The following RBFOX1 variants were observed in gnomAD, a reference collection of about 807,000 sequenced individuals.
RBFOX1 encodes the protein RNA binding protein fox-1 homolog 1.
In RBFOX1, 8 loss-of-function variants were observed where a neutral mutation model predicts 57.7. That is an observed-to-expected ratio of 0.14 (90% CI 0.08 to 0.25). The LOEUF (loss-of-function observed/expected upper bound fraction) is 0.25. RBFOX1 is among the 10% of genes least tolerant of loss of function. The pLI, the probability that RBFOX1 is intolerant of heterozygous loss-of-function variation, is 1.00. For synonymous variants in RBFOX1, 326 were observed against 222.4 expected, an observed-to-expected ratio of 1.47 and a Z score of -4.15; for missense variants, 611 against 548.5, an observed-to-expected ratio of 1.11 and a Z score of -1.14.
At chr16:7,370,338 G>T (rs9941058) in intron 4 of RBFOX1, among the ~76,000 whole-genome samples, 3,945 of 152,266 alleles carry the variant, frequency 0.026, 184 homozygotes, top group African/African-American at 0.089. Flanking sequence ...TCAGTGATGG[G>T]TAACTAGGGC....
rs368276793 is a variant in RBFOX1 at position 7,660,713 on chromosome 16, T to A, written c.891-4216T>A. On this transcript the variant is annotated intron_variant, in intron 12 of 15. Coordinates refer to ENST00000550418, the MANE Select transcript of RBFOX1 (RefSeq NM_018723.4). The stretch of plus-strand genomic sequence containing the variant: ...ATAGCATCCGCATCATCTGTTAACT[T>A]GTTAGAAATGTAAGCTCTTAGATGC... Among the ~76,000 whole-genome samples, 6 of 152,212 alleles carry A rather than the reference T, an allele frequency of 3.9e-5. No homozygotes were observed. In the East Asian group the frequency reaches 9.6e-4, roughly 24 times the overall value.
chr16:7,705,758 A>T (rs1402264763), intron 14 of RBFOX1, among the ~76,000 whole-genome samples: 1 of 152,336 alleles, frequency 6.6e-6, no homozygotes, highest in South Asian at 2.1e-4. Context: ...AGTTGAAAAA[A>T]TGAGACAAGA....
chr16:6,228,911 A>T (rs779636728), intron 1 of RBFOX1, among the ~76,000 whole-genome samples: 1 of 152,232 alleles, frequency 6.6e-6, no homozygotes, highest in Non-Finnish European at 1.5e-5. Flanking sequence ...ATAAACATAT[A>T]TAATTTTATT....
intron 1 of RBFOX1, among the ~76,000 whole-genome samples, chr16:6,197,591 C>T (rs201782400): frequency 6.6e-6 from 1 of 151,858 alleles, no homozygotes; most frequent in Non-Finnish European, 1.5e-5. Flanking sequence ...ATAATAGGAA[C>T]AGTAGAGGAC....
intron 1 of RBFOX1, among the ~76,000 whole-genome samples, chr16:6,277,666 A>C (rs2075967794): frequency 8.0e-5 from 1 of 12,456 alleles, no homozygotes; most frequent in East Asian, 8.6e-3. Flanking sequence ...ACCTTGTCTC[A>C]AAAAAAAAAA....
intron 4 of RBFOX1, among the ~76,000 whole-genome samples, chr16:7,232,814 C>T (rs555514388): frequency 5.4e-5 from 8 of 147,964 alleles, no homozygotes; most frequent in East Asian, 2.0e-4. Context: ...GGTCATTACA[C>T]TCCAGCCTGG....
chr16:5,805,577 T>C (rs1030479935), intron 3 of RBFOX1, among the ~76,000 whole-genome samples: 5 of 152,274 alleles, frequency 3.3e-5, no homozygotes, highest in Admixed American at 2.0e-4. Context: ...AAAGGAATTG[T>C]TTATCAAAAG....
chr16:6,856,856 A>G (rs868707773), intron 3 of RBFOX1, among the ~76,000 whole-genome samples: 1 of 152,150 alleles, frequency 6.6e-6, no homozygotes, highest in Non-Finnish European at 1.5e-5. Flanking sequence ...TTAATTGTCA[A>G]TTCAGATAAT....
chr16:5,686,711 A>G (rs1234718888), intron 3 of RBFOX1, among the ~76,000 whole-genome samples: 1 of 152,192 alleles, frequency 6.6e-6, no homozygotes, highest in Admixed American at 6.5e-5. Context: ...CCTAACTCTC[A>G]TAGTGGAAAT....
chr16:6,973,558 GT>G (rs1479670772), intron 3 of RBFOX1, among the ~76,000 whole-genome samples: 1 of 152,106 alleles, frequency 6.6e-6, no homozygotes, highest in Non-Finnish European at 1.5e-5. Context: ...TGGAGAGTCT[GT>G]TTATTTCTTT....
chr16:5,283,963 A>T (rs1464876856), intron 1 of RBFOX1, among the ~76,000 whole-genome samples: 1 of 152,040 alleles, frequency 6.6e-6, no homozygotes, highest in African/African-American at 2.4e-5. Flanking sequence ...TCCCCACCCA[A>T]ATCTCATCTT....
At chr16:7,587,387 C>A (rs1045279266) in intron 7 of RBFOX1, 87 bp downstream of exon 7, 3 of 1,285,526 alleles carry the variant, frequency 2.3e-6, no homozygotes, top group African/African-American at 3.0e-5. Context: ...CTGTCTTAAT[C>A]AGCTCATTGT....
At chr16:5,524,669 T>C (rs2044168280) in intron 2 of RBFOX1, among the ~76,000 whole-genome samples, 1 of 151,864 alleles carries the variant, frequency 6.6e-6, no homozygotes, top group Admixed American at 6.6e-5. Flanking sequence ...GCCTTCCAAG[T>C]AGCCGGGATT....
chr16:6,414,917 C>G lies in RBFOX1; in HGVS notation c.-64+97860C>G, dbSNP rs2093578596. Among the ~76,000 whole-genome samples, 3 of 152,140 alleles carry G rather than the reference C, an allele frequency of 2.0e-5. No individual in the cohort carries two copies. In the South Asian group the frequency reaches 6.2e-4, roughly 32 times the overall value. On this transcript the variant is annotated intron_variant, in intron 2 of 15. Transcript: ENST00000550418. ...GCAAGGCATGGGGTAGGATGCAGAG[C>G]AAAGAATGAACCGGTCCCAATATCA... is the stretch of plus-strand genomic sequence containing the variant.
At chr16:6,367,041 C>T (rs1227316387) in intron 2 of RBFOX1, among the ~76,000 whole-genome samples, 1 of 152,196 alleles carries the variant, frequency 6.6e-6, no homozygotes, top group East Asian at 1.9e-4. Flanking sequence ...ACACTATTTT[C>T]TTCCTCATCC....
At chr16:5,784,385 C>T (rs908284631) in intron 3 of RBFOX1, among the ~76,000 whole-genome samples, 1 of 152,070 alleles carries the variant, frequency 6.6e-6, no homozygotes, top group African/African-American at 2.4e-5. Flanking sequence ...CGAGATCGCA[C>T]CACTGCACTC....
chr16:6,791,910 C>A (rs2083037145), intron 3 of RBFOX1, among the ~76,000 whole-genome samples: 1 of 151,816 alleles, frequency 6.6e-6, no homozygotes, highest in African/African-American at 2.4e-5. Context: ...TTATCTAACA[C>A]AGAGAGAGAG....
intron 2 of RBFOX1, among the ~76,000 whole-genome samples, chr16:6,620,637 T>G (rs1324402886): frequency 6.6e-6 from 1 of 151,608 alleles, no homozygotes; most frequent in Non-Finnish European, 1.5e-5. Flanking sequence ...GGTAGAAGAT[T>G]CAAGTAAACA....
chr16:5,319,857 C>A (rs2064353593), intron 1 of RBFOX1, among the ~76,000 whole-genome samples: 1 of 152,140 alleles, frequency 6.6e-6, no homozygotes. Flanking sequence ...GCTCTGGGTC[C>A]TGGTGTTCCC....
Sources: gnomAD v4.1 joint callset for allele counts (sites outside exome capture counted in the v4.1 genomes callset) on GRCh38, gnomAD v4.1.1 for gene constraint, MANE v1.5 for transcripts, NCBI Gene and HGNC (gene_info 2026-07-23, HGNC 2026-07-21) for gene names.